RNF157: variants seen among roughly 807,000 people sequenced by gnomAD.
RNF157 encodes the protein E3 ubiquitin ligase RNF157.
RNF157 carries 55 observed loss-of-function variants against 88.3 expected under a neutral mutation model. The observed-to-expected ratio is 0.62, with a 90% CI of 0.50 to 0.78. The LOEUF (loss-of-function observed/expected upper bound fraction) is 0.78, where lower values mean the gene tolerates loss of function less well. Among genes scored for constraint, RNF157 ranks in the 30% least tolerant of loss-of-function variants. The pLI, the probability that RNF157 is intolerant of heterozygous loss-of-function variation, is 0.00. For missense variants in RNF157, 788 were observed against 860.8 expected (o/e 0.92, Z 1.06); for synonymous variants, 334 against 341.2 (o/e 0.98, Z 0.23).
At chr17:76,227,107 C>A (rs932369700) in intron 1 of RNF157, among the ~76,000 whole-genome samples, 1 of 151,338 alleles carries the variant, frequency 6.6e-6, no homozygotes, top group Non-Finnish European at 1.5e-5. Context: ...TATTAATAAC[C>A]TCTTTTTTTG....
rs1216107647 is a variant in RNF157, at chr17:76,240,427, C to T, written c.-187G>A. The T allele has an allele frequency of 6.6e-6, 1 of 150,526 alleles. No individual in the cohort carries two copies. Among genetic ancestry groups the T allele is most frequent in the Non-Finnish European group, 1.4e-5 (1 of 69,822 alleles). 9.3% of individuals were successfully genotyped at this position (150,526 alleles called of 1,614,324 possible). A position where few individuals can be genotyped will look rare whatever the true frequency, so the allele number is the denominator to read the frequency against. On this transcript the variant is annotated 5_prime_UTR_variant, in exon 1 of 19. Coordinates refer to ENST00000269391, the MANE Select transcript of RNF157 (RefSeq NM_052916.3). The surrounding 1 kb of genome is among the most constrained non-coding windows in gnomAD (Gnocchi z 4.4). The stretch of plus-strand genomic sequence containing the variant: ...GCGCACCATCCTCCGCCGGGCACCG[C>T]GGCGGCGCCTCTGCCAAGGGGGCTG...
rs1315308185 is a variant in RNF157 at position 76,146,943 on chromosome 17, G to C, written c.1922-1590C>G. The C allele has an allele frequency of 3.0e-6, 3 of 985,292 alleles. No homozygotes were observed. The highest frequency in any genetic ancestry group is 3.5e-5 in the African/African-American group (2 of 57,232). 61.0% of individuals were successfully genotyped at this position (985,292 alleles called of 1,614,324 possible). A position where few individuals can be genotyped will look rare whatever the true frequency, so the allele number is the denominator to read the frequency against. On this transcript the variant is annotated intron_variant, in intron 18 of 18. Transcript: ENST00000269391. This position sits in a 1 kb window ranked among gnomAD's most constrained non-coding sequence, Gnocchi z 4.2. ...CATGTAGAGTCAACAGGTATAAATG[G>C]CTTATTTCCATCAATGCCTTGGTGT...
intron 2 of RNF157, among the ~76,000 whole-genome samples, chr17:76,203,899 C>G (rs1337188816): frequency 6.6e-6 from 1 of 151,352 alleles, no homozygotes; most frequent in African/African-American, 2.4e-5. Flanking sequence ...TCCTGAGTAG[C>G]TGGGACTACA....
intron 1 of RNF157, chr17:76,226,141 A>G: frequency 6.2e-7 from 1 of 1,603,338 alleles, no homozygotes; most frequent in Non-Finnish European, 8.5e-7. Context: ...CTGGGCTCAT[A>G]CAGATGCCAC....
At chr17:76,233,467 A>T (rs1568081517) in intron 1 of RNF157, among the ~76,000 whole-genome samples, 1 of 152,162 alleles carries the variant, frequency 6.6e-6, no homozygotes, top group Non-Finnish European at 1.5e-5. Context: ...GCCCAATCCA[A>T]ATCAAATAAC....
chr17:76,217,795 A>G (rs1214902268), intron 1 of RNF157, among the ~76,000 whole-genome samples: 1 of 152,212 alleles, frequency 6.6e-6, no homozygotes, highest in Non-Finnish European at 1.5e-5. Flanking sequence ...ATAAACTTCG[A>G]GTGTTTCATT....
In RNF157 at chr17:76,240,325, T is replaced by A; in HGVS notation, c.-85A>T. 3.4e-6 allele frequency: 2 copies of A among 595,940 alleles called. No homozygotes were observed. The highest frequency in any genetic ancestry group is 4.2e-6 in the Non-Finnish European group (2 of 477,576). 36.9% of individuals were successfully genotyped at this position (595,940 alleles called of 1,614,324 possible). A position where few individuals can be genotyped will look rare whatever the true frequency, so the allele number is the denominator to read the frequency against. On this transcript the variant is annotated 5_prime_UTR_variant, in exon 1 of 19. Transcript: ENST00000269391. This position sits in a 1 kb window ranked among gnomAD's most constrained non-coding sequence, Gnocchi z 4.4. ...CCGCGGCCGCCCGCCCCGCGCCCGG[T>A]GCGGGGGCCGACTGCCCGCCGCGGC...
At chr17:76,207,790 T>C (rs1253033139) in intron 2 of RNF157, among the ~76,000 whole-genome samples, 3 of 152,174 alleles carry the variant, frequency 2.0e-5, no homozygotes, top group African/African-American at 7.2e-5. Context: ...ATCTTCAATC[T>C]CTGAGCCTTC....
At chr17:76,189,700 G>A (rs1008084659) in intron 2 of RNF157, among the ~76,000 whole-genome samples, 2 of 152,196 alleles carry the variant, frequency 1.3e-5, no homozygotes, top group Admixed American at 6.5e-5. Context: ...CCCCATGGCT[G>A]AGGAAACAAA....
chr17:76,148,131 AGAG>A (rs1406830886), intron 18 of RNF157, among the ~76,000 whole-genome samples: 1 of 152,220 alleles, frequency 6.6e-6, no homozygotes, highest in Non-Finnish European at 1.5e-5. Flanking sequence ...CCTCTCAAAA[AGAG>A]GAGAGAATTC....
rs546226622 is a variant in RNF157 at position 76,167,039 on chromosome 17, G to A, written c.531C>T (p.Thr177=). The change falls in exon 5 of 19, where the codon ACC becomes ACT. Residue 177 remains threonine (T), a synonymous_variant. Transcript: ENST00000269391. Reference sequence around the variant, plus strand: ...CTTCGGCCCACTCGGAGGGATCCACGGTGTGGGAGGGCAGGCAGAACTGCT... The same window carrying A: ...CTTCGGCCCACTCGGAGGGATCCACAGTGTGGGAGGGCAGGCAGAACTGCT... ...VCQQFCLPSH[T]VDPSEWAEEE... 28 of 1,611,596 alleles carry A rather than the reference G, an allele frequency of 1.7e-5. No individual in the cohort carries two copies. Among genetic ancestry groups the A allele is most frequent in the African/African-American group, 2.7e-5 (2 of 75,018 alleles).
At chr17:76,239,778 G>C (rs994510762) in intron 1 of RNF157, among the ~76,000 whole-genome samples, 1 of 152,158 alleles carries the variant, frequency 6.6e-6, no homozygotes, top group African/African-American at 2.4e-5. Flanking sequence ...GCTTTGGGCC[G>C]GGCCGGCCGG....
At chr17:76,192,453 G>A (rs979239820) in intron 2 of RNF157, among the ~76,000 whole-genome samples, 12 of 152,098 alleles carry the variant, frequency 7.9e-5, no homozygotes, top group African/African-American at 2.2e-4. Context: ...AATCCTCTTC[G>A]TGTTACCCCT....
At chr17:76,154,048 A>T in intron 17 of RNF157, 1 of 521,502 alleles carries the variant, frequency 1.9e-6, no homozygotes, top group South Asian at 2.0e-5. Context: ...TATCTCCTGC[A>T]GCACCCGCAC....
intron 7 of RNF157, 55 bp from the exon 8 acceptor site, chr17:76,164,850 G>C (rs1161138315): frequency 7.6e-7 from 1 of 1,322,322 alleles, no homozygotes; most frequent in Admixed American, 1.8e-5. Context: ...AAAGCACCAG[G>C]TATTCTTCTG....
intron 1 of RNF157, among the ~76,000 whole-genome samples, chr17:76,222,737 C>T (rs2070007894): frequency 6.6e-6 from 1 of 152,146 alleles, no homozygotes; most frequent in Non-Finnish European, 1.5e-5. Flanking sequence ...GAAGGTCTGG[C>T]TAACTCCACA....
At chr17:76,232,016 T>G (rs1295529097) in intron 1 of RNF157, among the ~76,000 whole-genome samples, 1 of 152,200 alleles carries the variant, frequency 6.6e-6, no homozygotes, top group African/African-American at 2.4e-5. Flanking sequence ...TGCATCTAGT[T>G]TCTTTCCCTT....
At chr17:76,188,836 C>T (rs749834548) in intron 2 of RNF157, among the ~76,000 whole-genome samples, 25 of 152,282 alleles carry the variant, frequency 1.6e-4, no homozygotes, top group Admixed American at 9.2e-4. Context: ...CTGTACCACC[C>T]GGACCATGTA....
Position 76,145,314 on chromosome 17 carries a change from G to T in RNF157, c.1961C>A (p.Ala654Asp). Residue 654 changes from alanine (A) to aspartate (D), a missense_variant, in exon 19 of 19, where the codon GCC becomes GAC. Coordinates refer to ENST00000269391, the MANE Select transcript of RNF157 (RefSeq NM_052916.3). Reference sequence around the variant, plus strand: ...GCTGGATGACAAGCGCCGGCGCTGGGCATTCCGACTGACGGCATTGTCATC... The same window carrying T: ...GCTGGATGACAAGCGCCGGCGCTGGTCATTCCGACTGACGGCATTGTCATC... ...QADDNAVSRNAQRRRLSSSSL... is the reference protein window; with the variant it reads ...QADDNAVSRNDQRRRLSSSSL... 1.2e-6 allele frequency: 2 copies of T among 1,612,646 alleles called. No homozygotes were observed. The highest frequency in any genetic ancestry group is 1.7e-6 in the Non-Finnish European group (2 of 1,179,508).
Sources: gnomAD v4.1 joint callset for allele counts (sites outside exome capture counted in the v4.1 genomes callset) on GRCh38, gnomAD v4.1.1 for gene constraint, Gnocchi (gnomAD v3.1) non-coding constraint, MANE v1.5 for transcripts, NCBI Gene and HGNC (gene_info 2026-07-23, HGNC 2026-07-21) for gene names.